BRCA2: variants seen among roughly 807,000 people sequenced by gnomAD.
The protein encoded by BRCA2 is BRCA2 DNA repair associated, also known as breast cancer type 2 susceptibility protein.
BRCA2 carries 203 observed loss-of-function variants against 276.7 expected under a neutral mutation model. That is an observed-to-expected ratio of 0.73 (90% CI 0.65 to 0.82). The LOEUF (loss-of-function observed/expected upper bound fraction) is 0.82, where lower values mean the gene tolerates loss of function less well. Among genes scored for constraint, BRCA2 ranks in the 40% least tolerant of loss-of-function variants. BRCA2 has a pLI of 0.00. For synonymous variants in BRCA2, 1,289 were observed against 1,338.4 expected (o/e 0.96, Z 0.81); for missense variants, 3,920 against 3,915.0 (o/e 1.00, Z -0.03).
intron 17 of BRCA2, 41 bp downstream of exon 17, chr13:32,362,734 T>C (rs1337571795): frequency 6.2e-7 from 1 of 1,606,642 alleles, no homozygotes. Flanking sequence ...TATACGGCAG[T>C]ATGGTTAAGG....
rs80359057 is a variant in BRCA2, at chr13:32,363,337, A to C, written c.8135A>C (p.Asp2712Ala). The C allele has an allele frequency of 6.2e-7, 1 of 1,614,196 alleles. No homozygotes were observed. The highest frequency in any genetic ancestry group is 8.5e-7 in the Non-Finnish European group (1 of 1,180,020). The change falls in exon 18 of 27, where the codon GAT becomes GCT. Residue 2712 changes from aspartate (D) to alanine (A), a missense_variant. Transcript: ENST00000380152. ...ETSSNKTSSA[D>A]TQKVAIIELT... ...TCTAGCAATAAAACTAGTAGTGCAGATACCCAAAAAGTGGCCATTATTGAA... is the reference window on the plus strand; with the variant it reads ...TCTAGCAATAAAACTAGTAGTGCAGCTACCCAAAAAGTGGCCATTATTGAA...
chr13:32,374,878 C>T (rs536297556), intron 20 of BRCA2, among the ~76,000 whole-genome samples: 1 of 152,322 alleles, frequency 6.6e-6, no homozygotes, highest in African/African-American at 2.4e-5. Flanking sequence ...TAACAATTAT[C>T]TGTATTAGTT....
chr13:32,341,454 A>G (rs891661986), intron 11 of BRCA2, among the ~76,000 whole-genome samples: 4 of 152,126 alleles, frequency 2.6e-5, no homozygotes, highest in Middle Eastern at 3.2e-3. Flanking sequence ...GTCTCAATAT[A>G]TTTTCAAAAA....
chr13:32,369,902 G>A (rs879787302), intron 18 of BRCA2, among the ~76,000 whole-genome samples: 3 of 152,132 alleles, frequency 2.0e-5, no homozygotes, highest in Non-Finnish European at 2.9e-5. Flanking sequence ...TACATAAAGC[G>A]CTTAACACCA....
Position 32,339,246 on chromosome 13 carries a change from A to G in BRCA2, c.4891A>G (p.Lys1631Glu), listed in dbSNP as rs748213879. 1 of 1,613,166 alleles carries G rather than the reference A, an allele frequency of 6.2e-7. No homozygotes were observed. The highest frequency in any genetic ancestry group is 1.6e-4 in the Middle Eastern group (1 of 6,062). Residue 1631 changes from lysine (K) to glutamate (E), a missense_variant, in exon 11 of 27, where the codon AAA becomes GAA. Physicochemically the swap from Lys to Glu is moderately conservative, Grantham distance 56. Around this residue, in one of 2 missense-constraint regions of BRCA2, gnomAD observed 3,263 missense variants for 3,156.9 expected, o/e 1.03. Transcript: ENST00000380152. ...ACAAACTGAAAATCTCAAAACATCA[A>G]AAAGTATCTTTTTGAAAGTTAAAGT... ...CRQTENLKTS[K>E]SIFLKVKVHE...
rs758051329 is a variant in BRCA2, at chr13:32,339,081, C to G, written c.4726C>G (p.Leu1576Val). 1.9e-6 allele frequency: 3 copies of G among 1,613,774 alleles called. No homozygotes were observed. Among genetic ancestry groups the G allele is most frequent in the African/African-American group, 2.7e-5 (2 of 74,880 alleles). Residue 1576 changes from leucine to valine, a missense_variant, in exon 11 of 27, where the codon CTT (leucine) becomes GTT (valine). Leu to Val is a conservative substitution (Grantham distance 32, BLOSUM62 1). This residue lies in a region of BRCA2 where 3,263 missense variants were observed against 3,156.9 expected (regional missense o/e 1.03). Transcript: ENST00000380152. ...AAAGTACAGAGAGGCCTGTAAAGAC[C>G]TTGAATTAGCATGTGAGACCATTGA... The part of the protein sequence containing the change: ...TLKYREACKD[L>V]ELACETIEIT...
At chr13:32,363,123 C>A in intron 17 of BRCA2, 56 bp from the exon 18 acceptor site, 1 of 1,419,242 alleles carries the variant, frequency 7.0e-7, no homozygotes, top group Non-Finnish European at 9.9e-7. Flanking sequence ...CTTGTTTAAA[C>A]AGTGGAATTC....
At chr13:32,361,111 C>T (rs945571722) in intron 16 of BRCA2, among the ~76,000 whole-genome samples, 64 of 152,112 alleles carry the variant, frequency 4.2e-4, no homozygotes, top group African/African-American at 1.5e-3. Context: ...AATCAATTCA[C>T]AAGTCATCGG....
Position 32,354,971 on chromosome 13 carries a change from G to A in BRCA2, c.7118G>A (p.Ser2373Asn), listed in dbSNP as rs80358944. The change falls in exon 14 of 27, where the codon AGC (serine) becomes AAC (asparagine). Residue 2373 changes from serine to asparagine, a missense_variant. By Grantham distance (46) the Ser-to-Asn change is conservative. Transcript: ENST00000380152. ...CATCTGACTTTGGAAAAATCTTCAA[G>A]CAATTTAGCAGTTTCAGGACATCCA... ...YEHLTLEKSS[S>N]NLAVSGHPFY... The A allele has an allele frequency of 6.2e-7, 1 of 1,613,478 alleles. No individual in the cohort carries two copies. Among genetic ancestry groups the A allele is most frequent in the Non-Finnish European group, 8.5e-7 (1 of 1,179,666 alleles).
At chr13:32,328,449 C>A (rs930393080) in intron 7 of BRCA2, among the ~76,000 whole-genome samples, 2 of 151,970 alleles carry the variant, frequency 1.3e-5, no homozygotes, top group Non-Finnish European at 2.9e-5. Context: ...ACTGGGTTGG[C>A]CAGGGTGGTC....
intron 24 of BRCA2, among the ~76,000 whole-genome samples, chr13:32,383,518 T>C: frequency 6.6e-6 from 1 of 152,136 alleles, no homozygotes. Flanking sequence ...TGTGTGATAT[T>C]TTTTCAACCG....
chr13:32,387,553 A>G (rs1219383133), intron 24 of BRCA2, among the ~76,000 whole-genome samples: 1 of 151,878 alleles, frequency 6.6e-6, no homozygotes, highest in African/African-American at 2.4e-5. Flanking sequence ...GTCAGGGAAC[A>G]CTCTGCTCCA....
chr13:32,332,430 A>G lies in BRCA2; in HGVS notation c.952A>G (p.Lys318Glu), dbSNP rs397508060. 1 of 1,589,902 alleles carries G rather than the reference A, an allele frequency of 6.3e-7. No homozygotes were observed. Among genetic ancestry groups the G allele is most frequent in the South Asian group, 1.2e-5 (1 of 85,694 alleles). Residue 318 changes from lysine to glutamate, a missense_variant, in exon 10 of 27, where the codon AAA becomes GAA. This residue lies in a region of BRCA2 where 3,263 missense variants were observed against 3,156.9 expected (regional missense o/e 1.03). Coordinates refer to ENST00000380152, the MANE Select transcript of BRCA2 (RefSeq NM_000059.4). ...ATTATGTTTTTCTAAATGTAGAACA[A>G]AAAATCTACAAAAAGTAAGAACTAG... ...FSLCFSKCRT[K>E]NLQKVRTSKT...
chr13:32,320,806 A>G (rs2072301446), intron 3 of BRCA2, among the ~76,000 whole-genome samples: 1 of 152,224 alleles, frequency 6.6e-6, no homozygotes, highest in African/African-American at 2.4e-5. Context: ...TGCTTTAGAA[A>G]GCCTAATGAT....
intron 13 of BRCA2, among the ~76,000 whole-genome samples, chr13:32,347,727 C>T (rs891064525): frequency 6.6e-6 from 1 of 152,130 alleles, no homozygotes; most frequent in Non-Finnish European, 1.5e-5. Flanking sequence ...AGGCATGAGA[C>T]TGGAAGATTT....
chr13:32,375,301 CTTCTAA>C (rs1248189029), intron 20 of BRCA2: 5 of 400,308 alleles, frequency 1.2e-5, no homozygotes, highest in Non-Finnish European at 2.4e-5. Context: ...TCAGGCTTTA[CTTCTAA>C]TTCTAGTTCT....
In BRCA2 at chr13:32,340,822, C is replaced by T. The variant is rs765575482; in HGVS notation, c.6467C>T (p.Ser2156Phe). Residue 2156 changes from serine (S) to phenylalanine (F), a missense_variant, in exon 11 of 27, where the codon TCT (serine) becomes TTT (phenylalanine). By Grantham distance (155) the Ser-to-Phe change is radical. Transcript: ENST00000380152. The stretch of plus-strand genomic sequence containing the variant: ...TCTATTAAAGTTTCTCCATATCTCT[C>T]TCAATTTCAACAAGACAAACAACAG... ...NHSIKVSPYL[S>F]QFQQDKQQLV... 6.3e-7 allele frequency: 1 copy of T among 1,589,774 alleles called. No individual in the cohort carries two copies. Among genetic ancestry groups the T allele is most frequent in the Non-Finnish European group, 8.5e-7 (1 of 1,171,910 alleles).
At chr13:32,381,389 G>T (rs2072923438) in intron 24 of BRCA2, among the ~76,000 whole-genome samples, 1 of 152,168 alleles carries the variant, frequency 6.6e-6, no homozygotes, top group Non-Finnish European at 1.5e-5. Flanking sequence ...GGTAATGTCA[G>T]AGAAGAGAGA....
Position 32,338,131 on chromosome 13 carries a change from G to GT in BRCA2, c.3779dup (p.Leu1260PhefsTer5), listed in dbSNP as rs397507686. 6.2e-7 allele frequency: 1 copy of GT among 1,605,532 alleles called. No homozygotes were observed. The highest frequency in any genetic ancestry group is 2.2e-5 in the East Asian group (1 of 44,806). On this transcript the variant is annotated frameshift_variant, in exon 11 of 27. Transcript: ENST00000380152. LOFTEE classifies it high-confidence loss of function. Reference sequence around the variant, plus strand: ...ACTTCTGCAGAGGTACATCCAATAAGTTTATCTTCAAGTAAATGTCATGAT... The same window carrying GT: ...ACTTCTGCAGAGGTACATCCAATAAGTTTTATCTTCAAGTAAATGTCATGAT...
Sources: allele counts gnomAD v4.1 joint callset (sites outside exome capture counted in the v4.1 genomes callset), GRCh38; gene constraint gnomAD v4.1.1; regional missense constraint gnomAD v4.1.1; transcripts MANE v1.5; gene names NCBI Gene and HGNC (gene_info 2026-07-23, HGNC 2026-07-21).